The following TBXAS1 variants were observed in gnomAD, a reference collection of about 807,000 sequenced individuals.
TBXAS1 encodes the protein thromboxane A synthase 1.
TBXAS1 carries 48 observed loss-of-function variants against 60.7 expected under a neutral mutation model. The observed-to-expected ratio is 0.79, with a 90% CI of 0.63 to 1.01. TBXAS1 has a LOEUF of 1.01. Ranked by LOEUF, TBXAS1 falls within the 50% of genes least tolerant of loss-of-function variation. The pLI is 0.00. For synonymous variants in TBXAS1, 287 were observed against 269.7 expected (o/e 1.06, Z -0.63); for missense variants, 685 against 686.3 (o/e 1.00, Z 0.02).
At chr7:139,820,894 T>C (rs539104884) in intron 4 of TBXAS1, among the ~76,000 whole-genome samples, 3 of 152,312 alleles carry the variant, frequency 2.0e-5, no homozygotes, top group Admixed American at 2.0e-4. Context: ...TGAGAAACCA[T>C]GGAGCTGATA....
chr7:139,783,211 A>G (rs1384202874), intron 3 of TBXAS1, among the ~76,000 whole-genome samples: 1 of 152,200 alleles, frequency 6.6e-6, no homozygotes, highest in Non-Finnish European at 1.5e-5. Context: ...GAGAAATTAC[A>G]CTGGCAAAAT....
chr7:139,835,172 T>A (rs958473634), intron 1 of TBXAS1, among the ~76,000 whole-genome samples: 1 of 151,828 alleles, frequency 6.6e-6, no homozygotes, highest in African/African-American at 2.4e-5. Flanking sequence ...GTTCATGCCA[T>A]TCTCCTGCCT....
rs1796851367 is a variant in TBXAS1 at position 139,778,436 on chromosome 7, GCTCGCCCAT to G, written c.-349_-341del. The G allele has an allele frequency of 6.5e-6, 1 of 153,214 alleles. No homozygotes were observed. Among genetic ancestry groups the G allele is most frequent in the Non-Finnish European group, 1.5e-5 (1 of 68,234 alleles). 9.5% of individuals were successfully genotyped at this position (153,214 alleles called of 1,614,324 possible). On this transcript the variant is annotated 5_prime_UTR_variant, in exon 1 of 17. Transcript: ENST00000336425. This position sits in a 1 kb window ranked among gnomAD's most constrained non-coding sequence, Gnocchi z 4.8. ...AAGAGAGCCCCACGCTGGCAAAGTG[GCTCGCCCAT>G]CTCACAGCCGGTTGGCGCTCGCGGA...
chr7:139,970,574 T>C (rs1027588123), intron 9 of TBXAS1, among the ~76,000 whole-genome samples: 4 of 152,254 alleles, frequency 2.6e-5, no homozygotes, highest in African/African-American at 7.2e-5. Context: ...CTCATGTTCT[T>C]CAGTGGTTTA....
chr7:139,799,164 G>A (rs1797649970), intron 4 of TBXAS1, among the ~76,000 whole-genome samples: 2 of 149,856 alleles, frequency 1.3e-5, no homozygotes, highest in Admixed American at 1.3e-4. Flanking sequence ...CACTTCCTGG[G>A]CTCAAGCAGT....
intron 10 of TBXAS1, 40 bp from the exon 11 acceptor site, chr7:140,015,683 C>T (rs748748643): frequency 1.2e-6 from 2 of 1,610,528 alleles, no homozygotes; most frequent in Admixed American, 3.3e-5. Context: ...TGCTCCTCAT[C>T]TCTTCTCTGT....
At chr7:139,980,320 T>C (rs1811873806) in intron 9 of TBXAS1, among the ~76,000 whole-genome samples, 1 of 152,200 alleles carries the variant, frequency 6.6e-6, no homozygotes, top group African/African-American at 2.4e-5. Context: ...TTCGAAGCCC[T>C]TGGAGATGCA....
intron 4 of TBXAS1, among the ~76,000 whole-genome samples, chr7:139,790,478 T>C (rs1347915496): frequency 6.6e-6 from 1 of 152,270 alleles, no homozygotes; most frequent in Non-Finnish European, 1.5e-5. Flanking sequence ...TGGAAAGTTT[T>C]TTCACTTCTG....
chr7:139,907,407 A>G (rs778809384), intron 3 of TBXAS1, among the ~76,000 whole-genome samples: 17 of 152,106 alleles, frequency 1.1e-4, no homozygotes, highest in Non-Finnish European at 2.4e-4. Context: ...GTCTTTTTAT[A>G]TAGTGCTAGA....
intron 9 of TBXAS1, among the ~76,000 whole-genome samples, chr7:139,966,273 A>G (rs1310620442): frequency 6.6e-6 from 1 of 152,178 alleles, no homozygotes; most frequent in Non-Finnish European, 1.5e-5. Flanking sequence ...TGGGAATCTG[A>G]TGAGAGCTAC....
chr7:139,879,309 T>C (rs562765333), intron 3 of TBXAS1, among the ~76,000 whole-genome samples: 1 of 152,330 alleles, frequency 6.6e-6, no homozygotes, highest in African/African-American at 2.4e-5. Flanking sequence ...TGTCTCTGCC[T>C]TCTTTGAACT....
At chr7:139,796,242 G>C (rs1409721471) in intron 4 of TBXAS1, among the ~76,000 whole-genome samples, 1 of 152,170 alleles carries the variant, frequency 6.6e-6, no homozygotes, top group Non-Finnish European at 1.5e-5. Context: ...GCACATAGCG[G>C]TATTTAATGG....
chr7:139,993,896 T>C (rs959965753), intron 9 of TBXAS1, among the ~76,000 whole-genome samples: 114 of 145,222 alleles, frequency 7.9e-4, no homozygotes, highest in East Asian at 7.7e-3. Context: ...TTCTTTCTTT[T>C]TTTTTTTTTT....
chr7:139,837,003 T>C (rs1286250888), intron 1 of TBXAS1, among the ~76,000 whole-genome samples: 3 of 151,898 alleles, frequency 2.0e-5, no homozygotes, highest in Non-Finnish European at 2.9e-5. Flanking sequence ...GCTAAGAACA[T>C]GAATAGACAG....
chr7:139,817,425 C>T (rs1217979487), intron 4 of TBXAS1, among the ~76,000 whole-genome samples: 4 of 152,180 alleles, frequency 2.6e-5, no homozygotes, highest in Admixed American at 2.0e-4. Context: ...ACCCCCCTGC[C>T]GGCCCCTCCC....
intron 4 of TBXAS1, among the ~76,000 whole-genome samples, chr7:139,815,787 G>A (rs148506423): frequency 3.4e-4 from 52 of 152,238 alleles, no homozygotes; most frequent in African/African-American, 1.1e-3. Flanking sequence ...AGGGGAAGAG[G>A]AAACCCCCAG....
Position 139,971,905 on chromosome 7 carries a change from G to A in TBXAS1, c.1134+9672G>A, listed in dbSNP as rs958052497. Among the ~76,000 whole-genome samples the A allele has an allele frequency of 5.3e-5, 8 of 152,072 alleles. No homozygotes were observed. In the East Asian group the frequency reaches 1.5e-3, roughly 29 times the overall value. ...TGACTCTATTCCCAGGTCCAGAGAG[G>A]CCCAGAATCTTCTCTGCTCCTGCTC... On this transcript the variant is annotated intron_variant, in intron 9 of 12. Transcript: ENST00000448866.
chr7:139,899,581 T>G (rs1465549797), intron 3 of TBXAS1, among the ~76,000 whole-genome samples: 1 of 152,242 alleles, frequency 6.6e-6, no homozygotes, highest in African/African-American at 2.4e-5. Context: ...GCTTTGGAGT[T>G]GAATAAGTGA....
At chr7:139,879,832 T>C (rs1180139681) in intron 3 of TBXAS1, among the ~76,000 whole-genome samples, 1 of 140,430 alleles carries the variant, frequency 7.1e-6, no homozygotes, top group Non-Finnish European at 1.5e-5. Context: ...TTATCTCATT[T>C]TGTGTGTGTG....
Sources: allele counts gnomAD v4.1 joint callset (sites outside exome capture counted in the v4.1 genomes callset), GRCh38; gene constraint gnomAD v4.1.1; non-coding constraint Gnocchi (gnomAD v3.1); transcripts MANE v1.5; gene names NCBI Gene and HGNC (gene_info 2026-07-23, HGNC 2026-07-21).